The following LIPE variants were observed in gnomAD, a reference collection of about 807,000 sequenced individuals.
The protein encoded by LIPE is hormone-sensitive lipase.
Under a neutral mutation model 88.5 loss-of-function variants are expected in LIPE, and 66 were observed. The ratio of observed to expected loss-of-function variants is 0.75; its 90% CI spans 0.61 to 0.91. LIPE has a LOEUF of 0.91. LIPE is among the 40% of genes least tolerant of loss of function. The probability of loss-of-function intolerance (pLI) is 0.00; values close to 1 mark genes in which losing one functional copy is unlikely to be tolerated. For missense variants in LIPE, 1,346 were observed against 1,434.7 expected (o/e 0.94, Z 1.00); for synonymous variants, 570 against 617.5 (o/e 0.92, Z 1.14).
chr19:42,407,502 G>A lies in LIPE; in HGVS notation c.1843-34C>T. ...GAGGAGGGAGACGGTGTGTGAGGTT[G>A]GGGAGAGCTGGCCAGGGCTGCACCC... On this transcript the variant is annotated intron_variant, in intron 5 of 9. Coordinates refer to ENST00000244289, the MANE Select transcript of LIPE (RefSeq NM_005357.4). The surrounding 1 kb of genome is among the most constrained non-coding windows in gnomAD (Gnocchi z 5.8). The A allele has an allele frequency of 6.3e-7, 1 of 1,593,594 alleles. No homozygotes were observed. Among genetic ancestry groups the A allele is most frequent in the South Asian group, 1.1e-5 (1 of 88,394 alleles).
In LIPE at chr19:42,406,076, C is replaced by T; in HGVS notation, c.2365+85G>A. Reference sequence around the variant, plus strand: ...TCTGCCTGGCCTCTCCTTCCTCAGTCACAGGAGTCCTGGTCCCCAGCCCGT... The same window carrying T: ...TCTGCCTGGCCTCTCCTTCCTCAGTTACAGGAGTCCTGGTCCCCAGCCCGT... On this transcript the variant is annotated intron_variant, in intron 7 of 9. Coordinates refer to ENST00000244289, the MANE Select transcript of LIPE (RefSeq NM_005357.4). The surrounding 1 kb of genome is among the most constrained non-coding windows in gnomAD (Gnocchi z 5.7). The T allele has an allele frequency of 8.2e-7, 1 of 1,217,530 alleles. No homozygotes were observed. The highest frequency in any genetic ancestry group is 2.4e-5 in the East Asian group (1 of 41,756). The allele number at this position is 1,217,530 out of a possible 1,614,324, so 75.4% of individuals were successfully genotyped here. A position where few individuals can be genotyped will look rare whatever the true frequency, so the allele number is the denominator to read the frequency against.
intron 7 of LIPE, 191 bp from the exon 8 acceptor site, chr19:42,405,752 T>G (rs2040150493): frequency 1.6e-6 from 1 of 606,858 alleles, no homozygotes; most frequent in South Asian, 2.1e-5. Context: ...AGAGGATGGC[T>G]TGAGCCCAGG....
rs772317492 is a variant in LIPE, at chr19:42,410,585, G to A, written c.1141C>T (p.Arg381Cys). 8 of 1,613,246 alleles carry A rather than the reference G, an allele frequency of 5.0e-6. No homozygotes were observed. Among genetic ancestry groups the A allele is most frequent in the Non-Finnish European group, 6.8e-6 (8 of 1,179,954 alleles). ...NGYRSLVHTARCCLAHLLHKS... is the reference protein window; with the variant it reads ...NGYRSLVHTACCCLAHLLHKS... Reference sequence around the variant, plus strand: ...TGCAGGAGGTGCGCCAGGCAGCAGCGGGCTGTGTGCACTAGGCTGCGGTAC... The same window carrying A: ...TGCAGGAGGTGCGCCAGGCAGCAGCAGGCTGTGTGCACTAGGCTGCGGTAC... The change falls in exon 2 of 10, where the codon CGC becomes TGC. Residue 381 changes from arginine (R) to cysteine (C), a missense_variant. Physicochemically the swap from Arg to Cys is radical, Grantham distance 180. Transcript: ENST00000244289. The surrounding 1 kb of genome is among the most constrained non-coding windows in gnomAD (Gnocchi z 6.1).
rs2039988120 is a variant in LIPE at position 42,401,987 on chromosome 19, AC to A, written c.3055del (p.Val1019TrpfsTer9). On this transcript the variant is annotated frameshift_variant, in exon 10 of 10. Transcript: ENST00000244289. LOFTEE classifies it low-confidence loss of function (END_TRUNC). Reference sequence around the variant, plus strand: ...CAGGAAGCCGTGCGGCAGGTCCTCCACCACGCGCAGCGTCACCGGCTGGCCC... The same window carrying A: ...CAGGAAGCCGTGCGGCAGGTCCTCCACACGCGCAGCGTCACCGGCTGGCCC... ...NLGQPVTLRVVEDLPHGFLTL... is the reference protein window; with the variant it reads ...NLGQPVTLRVXEDLPHGFLTL... 1.5e-5 allele frequency: 24 copies of A among 1,554,928 alleles called. No individual in the cohort carries two copies. Among genetic ancestry groups the A allele is most frequent in the Non-Finnish European group, 2.1e-5 (24 of 1,152,370 alleles).
In LIPE at chr19:42,410,904, C is replaced by A; in HGVS notation, c.884-62G>T. On this transcript the variant is annotated intron_variant, in intron 1 of 9. Transcript: ENST00000244289. The surrounding 1 kb of genome is among the most constrained non-coding windows in gnomAD (Gnocchi z 6.1). ...GATCAAGCCTTGCTTAGCTGGGGCC[C>A]AGGAGTCTGGGCCATAGCTTACCCA... The A allele has an allele frequency of 6.8e-7, 1 of 1,470,668 alleles. No individual in the cohort carries two copies. The highest frequency in any genetic ancestry group is 9.1e-7 in the Non-Finnish European group (1 of 1,102,242). 91.1% of individuals were successfully genotyped at this position (1,470,668 alleles called of 1,614,324 possible).
In LIPE at chr19:42,408,630, G is replaced by C. The variant is rs1294374292; in HGVS notation, c.1420-308C>G. Among the ~76,000 whole-genome samples the C allele has an allele frequency of 6.6e-6, 1 of 151,898 alleles. No homozygotes were observed. The highest frequency in any genetic ancestry group is 1.5e-5 in the Non-Finnish European group (1 of 67,928). The stretch of plus-strand genomic sequence containing the variant: ...GACTAGGGGTCAGGCTACTTAGCGG[G>C]TCTCGGAGGAGAGATCTGACTGAAG... On this transcript the variant is annotated intron_variant, in intron 2 of 9. Transcript: ENST00000244289. The surrounding 1 kb of genome is among the most constrained non-coding windows in gnomAD (Gnocchi z 4.3).
chr19:42,423,525 G>A, intron 1 of LIPE: 6 of 1,262,040 alleles, frequency 4.8e-6, no homozygotes, highest in East Asian at 5.7e-5. Flanking sequence ...CCGTTCCCCC[G>A]GCCAACTCCA....
At chr19:42,418,780 C>T (rs35969273) in intron 1 of LIPE, among the ~76,000 whole-genome samples, 5,289 of 152,256 alleles carry the variant, frequency 0.035, 276 homozygotes, top group African/African-American at 0.12. Flanking sequence ...GTGTGACTCA[C>T]TTTATCAAGT....
intron 1 of LIPE, chr19:42,411,231 T>G: frequency 7.2e-5 from 62 of 859,684 alleles, no homozygotes; most frequent in East Asian, 1.2e-4. Flanking sequence ...GGACATTCCC[T>G]GAGCCCACAC....
Position 42,401,518 on chromosome 19 carries a change from T to C in LIPE, c.*294A>G. 1 of 393,114 alleles carries C rather than the reference T, an allele frequency of 2.5e-6. No homozygotes were observed. Among genetic ancestry groups the C allele is most frequent in the South Asian group, 4.9e-5 (1 of 20,568 alleles). The allele number at this position is 393,114 out of a possible 1,614,324, so 24.4% of individuals were successfully genotyped here. A position where few individuals can be genotyped will look rare whatever the true frequency, so the allele number is the denominator to read the frequency against. On this transcript the variant is annotated 3_prime_UTR_variant, in exon 10 of 10. Transcript: ENST00000244289. Reference sequence around the variant, plus strand: ...CGTATTTGAGAGAGGCCAAACTAATTAAATACTTTTATTTACAACAAACCA... The same window carrying C: ...CGTATTTGAGAGAGGCCAAACTAATCAAATACTTTTATTTACAACAAACCA...
In LIPE at chr19:42,402,768, C is replaced by T. The variant is rs373542952; in HGVS notation, c.2806G>A (p.Gly936Ser). 5.6e-6 allele frequency: 9 copies of T among 1,595,972 alleles called. No individual in the cohort carries two copies. The highest frequency in any genetic ancestry group is 2.7e-5 in the African/African-American group (2 of 74,588). The change falls in exon 9 of 10, where the codon GGC (glycine) becomes AGC (serine). Residue 936 changes from glycine (G) to serine (S), a missense_variant. Physicochemically the swap from Gly to Ser is moderately conservative, Grantham distance 56 (BLOSUM62 0). Transcript: ENST00000244289. ...NELSPMDRGL[G>S]VRAAFPEGFH... Reference sequence around the variant, plus strand: ...CCCTCGGGGAAGGCGGCACGGACGCCCAGGCCTCTGTCCATGGGGCTCAGC... The same window carrying T: ...CCCTCGGGGAAGGCGGCACGGACGCTCAGGCCTCTGTCCATGGGGCTCAGC...
At position 42,410,695 on chromosome 19, in the gene LIPE, T is replaced by C; in HGVS notation, c.1031A>G (p.Gln344Arg). 6.2e-7 allele frequency: 1 copy of C among 1,613,180 alleles called. No homozygotes were observed. Among genetic ancestry groups the C allele is most frequent in the Non-Finnish European group, 8.5e-7 (1 of 1,179,390 alleles). ...CAGGGCCGGCTCCAGCCCCAGCGCC[T>C]GCTCCCGTACACCGGCAAAAACGCC... ...LSGVFAGVRE[Q>R]ALGLEPALGR... Residue 344 changes from glutamine to arginine, a missense_variant, in exon 2 of 10, where the codon CAG (glutamine) becomes CGG (arginine). Gln to Arg is a conservative substitution (Grantham distance 43, BLOSUM62 1). Transcript: ENST00000244289. This position sits in a 1 kb window ranked among gnomAD's most constrained non-coding sequence, Gnocchi z 6.1.
rs2040226480 is a variant in LIPE at position 42,407,544 on chromosome 19, AG to A, written c.1842+61del. On this transcript the variant is annotated intron_variant, in intron 5 of 9. Coordinates refer to ENST00000244289, the MANE Select transcript of LIPE (RefSeq NM_005357.4). The surrounding 1 kb of genome is among the most constrained non-coding windows in gnomAD (Gnocchi z 5.8). The stretch of plus-strand genomic sequence containing the variant: ...GCTGCACCCCTCCATGGGGATGCCA[AG>A]GTGGGGGCTGCCCACGCTCCTCGGC... The A allele has an allele frequency of 3.8e-6, 6 of 1,574,314 alleles. No homozygotes were observed. The highest frequency in any genetic ancestry group is 4.3e-6 in the Non-Finnish European group (5 of 1,156,556).
chr19:42,413,283 A>G (rs2040421580), intron 1 of LIPE, among the ~76,000 whole-genome samples: 1 of 152,262 alleles, frequency 6.6e-6, no homozygotes, highest in Admixed American at 6.5e-5. Flanking sequence ...CTCCCCCAGG[A>G]CAGGACTAGG....
chr19:42,405,936 G>A, intron 7 of LIPE: 1 of 581,412 alleles, frequency 1.7e-6, no homozygotes, highest in Non-Finnish European at 3.0e-6. Flanking sequence ...CTCAGCCTGA[G>A]CGACATGACA....
At position 42,410,424 on chromosome 19, in the gene LIPE, A is replaced by G; in HGVS notation, c.1302T>C (p.Val434=). The G allele has an allele frequency of 6.2e-7, 1 of 1,614,194 alleles. No individual in the cohort carries two copies. The highest frequency in any genetic ancestry group is 8.5e-7 in the Non-Finnish European group (1 of 1,180,030). The part of the protein sequence containing the change: ...ALVYYAQRLL[V]TNRPGVLFFE... ...AGAAGAGTACCCCCGGCCGATTGGTAACCAGCAGGCGCTGGGCGTAGTAGA... is the reference window on the plus strand; with the variant it reads ...AGAAGAGTACCCCCGGCCGATTGGTGACCAGCAGGCGCTGGGCGTAGTAGA... Residue 434 remains valine, a synonymous_variant, in exon 2 of 10, where the codon GTT becomes GTC. Transcript: ENST00000244289. This position sits in a 1 kb window ranked among gnomAD's most constrained non-coding sequence, Gnocchi z 6.1.
In LIPE at chr19:42,410,685, C is replaced by T. The variant is rs1263970282; in HGVS notation, c.1041G>A (p.Gly347=). The change falls in exon 2 of 10, where the codon GGG becomes GGA. Residue 347 remains glycine, a synonymous_variant. Transcript: ENST00000244289. The surrounding 1 kb of genome is among the most constrained non-coding windows in gnomAD (Gnocchi z 6.1). ...GCAGGCGGCCCAGGGCCGGCTCCAG[C>T]CCCAGCGCCTGCTCCCGTACACCGG... The part of the protein sequence containing the change: ...VFAGVREQAL[G]LEPALGRLLG... The T allele has an allele frequency of 1.9e-6, 3 of 1,612,702 alleles. No homozygotes were observed. The South Asian group carries it at 3.3e-5, about 18-fold the overall frequency.
rs1410520867 is a variant in LIPE at position 42,406,021 on chromosome 19, A to G, written c.2365+140T>C. 3 of 592,386 alleles carry G rather than the reference A, an allele frequency of 5.1e-6. No individual in the cohort carries two copies. The highest frequency in any genetic ancestry group is 5.7e-5 in the East Asian group (2 of 34,898). 36.7% of individuals were successfully genotyped at this position (592,386 alleles called of 1,614,324 possible). On this transcript the variant is annotated intron_variant, in intron 7 of 9. Coordinates refer to ENST00000244289, the MANE Select transcript of LIPE (RefSeq NM_005357.4). The surrounding 1 kb of genome is among the most constrained non-coding windows in gnomAD (Gnocchi z 5.7). ...ACACACACACACACACACACACACG[A>G]AAAAAAAGGGACAAGGAGTCTTAGA... is the stretch of plus-strand genomic sequence containing the variant.
At chr19:42,424,044 G>T (rs2040658886) in intron 1 of LIPE, 2 of 1,184,008 alleles carry the variant, frequency 1.7e-6, no homozygotes, top group African/African-American at 1.6e-5. Flanking sequence ...ACTCAAAGAC[G>T]AGGCGGGGCG....
Sources: allele counts gnomAD v4.1 joint callset (sites outside exome capture counted in the v4.1 genomes callset), GRCh38; gene constraint gnomAD v4.1.1; non-coding constraint Gnocchi (gnomAD v3.1); transcripts MANE v1.5; gene names NCBI Gene and HGNC (gene_info 2026-07-23, HGNC 2026-07-21).